TRHDE: variants seen among roughly 807,000 people sequenced by gnomAD.
TRHDE encodes thyrotropin-releasing hormone-degrading ectoenzyme.
In TRHDE, 72 loss-of-function variants were observed where a neutral mutation model predicts 125.7. The ratio of observed to expected loss-of-function variants is 0.57; its 90% CI spans 0.47 to 0.70. The LOEUF is 0.70. Ranked by LOEUF, TRHDE falls within the 30% of genes least tolerant of loss-of-function variation. The pLI, the probability that TRHDE is intolerant of heterozygous loss-of-function variation, is 0.00. For synonymous variants in TRHDE, 509 were observed against 509.1 expected, an observed-to-expected ratio of 1.00 and a Z score of 0.00; for missense variants, 1,110 against 1,327.1, an observed-to-expected ratio of 0.84 and a Z score of 2.54.
At chr12:72,499,388 G>T in intron 5 of TRHDE, 110 bp from the exon 6 acceptor site, 1 of 1,362,998 alleles carries the variant, frequency 7.3e-7, no homozygotes. Context: ...TCATGCCTTG[G>T]AAGACTGATG....
intron 2 of TRHDE, among the ~76,000 whole-genome samples, chr12:72,353,348 A>G (rs1870671057): frequency 6.6e-6 from 1 of 151,730 alleles, no homozygotes; most frequent in Admixed American, 6.6e-5. Context: ...TGGAAACCAG[A>G]AAGGAATATA....
chr12:72,183,573 TA>T (rs1388023339), intron 2 of TRHDE, among the ~76,000 whole-genome samples: 2 of 152,354 alleles, frequency 1.3e-5, no homozygotes, highest in African/African-American at 4.8e-5. Flanking sequence ...TTCATTTTTT[TA>T]ATAGGTCAAA....
intron 15 of TRHDE, among the ~76,000 whole-genome samples, chr12:72,622,887 C>G (rs1281388136): frequency 6.6e-6 from 1 of 151,880 alleles, no homozygotes; most frequent in African/African-American, 2.4e-5. Context: ...TGTTTCTGGT[C>G]TTATACAAGC....
intron 2 of TRHDE, among the ~76,000 whole-genome samples, chr12:72,197,260 G>A (rs1040915877): frequency 5.3e-5 from 8 of 151,900 alleles, no homozygotes; most frequent in Non-Finnish European, 1.2e-4. Flanking sequence ...GTATCACATC[G>A]CAGTGAAGCC....
chr12:72,376,764 G>T (rs868249963), intron 2 of TRHDE, among the ~76,000 whole-genome samples: 1 of 151,650 alleles, frequency 6.6e-6, no homozygotes, highest in Non-Finnish European at 1.5e-5. Flanking sequence ...AATAGATGAT[G>T]TATAACATGT....
intron 2 of TRHDE, among the ~76,000 whole-genome samples, chr12:72,356,946 C>CA (rs1489990762): frequency 6.6e-6 from 1 of 151,462 alleles, no homozygotes; most frequent in Non-Finnish European, 1.5e-5. Context: ...TTCGGAAATG[C>CA]ATATAGTATG....
intron 3 of TRHDE, among the ~76,000 whole-genome samples, chr12:72,415,324 A>T (rs114777956): frequency 0.011 from 1,726 of 152,228 alleles, 29 homozygotes; most frequent in African/African-American, 0.04. Context: ...GTAATAGGAA[A>T]ATCAGGGTAA....
At chr12:72,200,684 T>C (rs1195634314) in intron 2 of TRHDE, among the ~76,000 whole-genome samples, 1 of 152,104 alleles carries the variant, frequency 6.6e-6, no homozygotes, top group Non-Finnish European at 1.5e-5. Flanking sequence ...TAACACCTAG[T>C]AGAACAATGA....
chr12:72,617,879 C>A (rs1470835309), intron 12 of TRHDE, among the ~76,000 whole-genome samples: 2 of 152,102 alleles, frequency 1.3e-5, no homozygotes, highest in Non-Finnish European at 2.9e-5. Context: ...GCCCTCATGA[C>A]CTAATCACTA....
chr12:72,434,936 A>G (rs1193020262), intron 3 of TRHDE, among the ~76,000 whole-genome samples: 2 of 152,212 alleles, frequency 1.3e-5, no homozygotes, highest in Admixed American at 6.6e-5. Context: ...GAACTACAGA[A>G]CAGGGATGGC....
chr12:72,197,208 G>A (rs1234911831), intron 2 of TRHDE, among the ~76,000 whole-genome samples: 1 of 151,924 alleles, frequency 6.6e-6, no homozygotes, highest in African/African-American at 2.4e-5. Flanking sequence ...TCTTATACAT[G>A]CTCATGGCGT....
chr12:72,399,666 C>T, intron 3 of TRHDE, among the ~76,000 whole-genome samples: 1 of 152,072 alleles, frequency 6.6e-6, no homozygotes, highest in Non-Finnish European at 1.5e-5. Flanking sequence ...ATTATTGAGA[C>T]ATATAAGCTC....
rs530744079 is a variant in TRHDE at position 72,580,483 on chromosome 12, C to A, written c.2321+4941C>A. On this transcript the variant is annotated intron_variant, in intron 12 of 18. Transcript: ENST00000261180. The stretch of plus-strand genomic sequence containing the variant: ...TGAGATGGAGTTTCACTCTTGTTAC[C>A]CAGGCCGGAGTGCAATGGCATGATC... Among the ~76,000 whole-genome samples the A allele has an allele frequency of 6.6e-5, 10 of 152,196 alleles. 1 individual carries two copies. The East Asian group carries it at 1.7e-3, about 26-fold the overall frequency.
chr12:72,507,366 A>G (rs757378536), intron 6 of TRHDE, among the ~76,000 whole-genome samples: 1 of 152,206 alleles, frequency 6.6e-6, no homozygotes, highest in Non-Finnish European at 1.5e-5. Context: ...GGAACTCACT[A>G]GAGACTTTTT....
intron 2 of TRHDE, among the ~76,000 whole-genome samples, chr12:72,141,226 C>T (rs1344495378): frequency 2.0e-5 from 3 of 152,080 alleles, no homozygotes; most frequent in East Asian, 3.9e-4. Flanking sequence ...CTATTTTTTT[C>T]CCCCTGACTA....
chr12:72,626,036 C>T (rs959300144), intron 15 of TRHDE, among the ~76,000 whole-genome samples: 45 of 151,914 alleles, frequency 3.0e-4, no homozygotes, highest in African/African-American at 1.1e-3. Flanking sequence ...GTTTGTTGGG[C>T]TCCACCCTCT....
intron 3 of TRHDE, among the ~76,000 whole-genome samples, chr12:72,405,253 A>G (rs1000985967): frequency 1.3e-5 from 2 of 152,216 alleles, no homozygotes; most frequent in East Asian, 1.9e-4. Flanking sequence ...CAGATTATGT[A>G]AGACTTCATA....
At chr12:72,573,013 A>G (rs1870820565) in intron 10 of TRHDE, among the ~76,000 whole-genome samples, 1 of 151,962 alleles carries the variant, frequency 6.6e-6, no homozygotes, top group Non-Finnish European at 1.5e-5. Context: ...AAAAAATAAC[A>G]CTTCTTAGAT....
intron 2 of TRHDE, among the ~76,000 whole-genome samples, chr12:72,296,507 G>C (rs1282691199): frequency 6.6e-6 from 1 of 152,084 alleles, no homozygotes; most frequent in African/African-American, 2.4e-5. Context: ...AGCAGTGCCT[G>C]AGTATTGTTG....
Sources: allele counts gnomAD v4.1 joint callset (sites outside exome capture counted in the v4.1 genomes callset), GRCh38; gene constraint gnomAD v4.1.1; transcripts MANE v1.5; gene names NCBI Gene and HGNC (gene_info 2026-07-23, HGNC 2026-07-21).